CA10: variants seen among roughly 807,000 people sequenced by gnomAD.
CA10 encodes the protein carbonic anhydrase 10 (inactive), also known as carbonic anhydrase-related protein 10.
A neutral mutation model predicts 44.2 loss-of-function variants in CA10; 14 were observed. The observed-to-expected ratio is 0.32, with a 90% CI of 0.21 to 0.50. CA10 has a LOEUF of 0.50. CA10 is among the 20% of genes least tolerant of loss of function. The probability of loss-of-function intolerance (pLI) is 0.99; values close to 1 mark genes in which losing one functional copy is unlikely to be tolerated. For synonymous variants in CA10, 159 were observed against 141.6 expected, an observed-to-expected ratio of 1.12 and a Z score of -0.87; for missense variants, 350 against 409.7, an observed-to-expected ratio of 0.85 and a Z score of 1.26.
intron 2 of CA10, among the ~76,000 whole-genome samples, chr17:52,011,745 T>G (rs1985803684): frequency 6.6e-6 from 1 of 152,022 alleles, no homozygotes; most frequent in Non-Finnish European, 1.5e-5. Flanking sequence ...GAGATCATGA[T>G]ACAAACAAGG....
intron 2 of CA10, among the ~76,000 whole-genome samples, chr17:51,940,424 C>T (rs781266284): frequency 7.2e-5 from 11 of 152,066 alleles, no homozygotes; most frequent in Non-Finnish European, 1.5e-4. Flanking sequence ...ATCCTAGGAA[C>T]CCTTAAGCTG....
intron 2 of CA10, among the ~76,000 whole-genome samples, chr17:52,018,752 A>G (rs1285531223): frequency 2.0e-5 from 3 of 152,122 alleles, no homozygotes; most frequent in African/African-American, 7.2e-5. Context: ...TGAGATGAAC[A>G]TGAAATTTGG....
At chr17:52,008,483 T>C (rs1363535713) in intron 2 of CA10, among the ~76,000 whole-genome samples, 1 of 151,856 alleles carries the variant, frequency 6.6e-6, no homozygotes, top group Non-Finnish European at 1.5e-5. Flanking sequence ...CTAAATAATT[T>C]ACATATTGGT....
chr17:51,849,233 G>GTGTATATATATA (rs1387448675), intron 3 of CA10, among the ~76,000 whole-genome samples: 1 of 39,902 alleles, frequency 2.5e-5, no homozygotes, highest in Non-Finnish European at 5.9e-5. Context: ...ATATGTGTGT[G>GTGTATATATATA]TATATATATA....
At chr17:52,093,693 TA>T (rs1229120622) in intron 1 of CA10, among the ~76,000 whole-genome samples, 2 of 152,172 alleles carry the variant, frequency 1.3e-5, no homozygotes, top group African/African-American at 4.8e-5. Context: ...AATTTATTAA[TA>T]TTTTGAATGC....
chr17:51,978,975 C>G, intron 2 of CA10, among the ~76,000 whole-genome samples: 1 of 152,116 alleles, frequency 6.6e-6, no homozygotes, highest in South Asian at 2.1e-4. Context: ...CACCCATGAC[C>G]CTCAGTAAAG....
At chr17:52,117,070 T>A (rs1246145591) in intron 1 of CA10, among the ~76,000 whole-genome samples, 11 of 152,218 alleles carry the variant, frequency 7.2e-5, no homozygotes. Flanking sequence ...TAATTAGAAG[T>A]GTATATCCAA....
intron 1 of CA10, among the ~76,000 whole-genome samples, chr17:52,141,524 A>C (rs1209776676): frequency 6.6e-6 from 1 of 152,224 alleles, no homozygotes; most frequent in Non-Finnish European, 1.5e-5. Context: ...AAAGAGGCAG[A>C]GAATACATGT....
chr17:51,984,501 C>A (rs1162472982), intron 2 of CA10, among the ~76,000 whole-genome samples: 1 of 151,490 alleles, frequency 6.6e-6, no homozygotes, highest in Non-Finnish European at 1.5e-5. Context: ...AAGGAATAAC[C>A]AAGATCACAG....
At chr17:51,770,783 G>A (rs781618439) in intron 3 of CA10, among the ~76,000 whole-genome samples, 3 of 151,984 alleles carry the variant, frequency 2.0e-5, no homozygotes, top group Non-Finnish European at 4.4e-5. Context: ...ATGGCCAAGT[G>A]GGAGCAAGAG....
Position 52,053,954 on chromosome 17 carries a change from T to C in CA10, c.136+18365A>G, listed in dbSNP as rs1195287604. ...CGTCAGCTTCATAAACTGAGGAGGA[T>C]GTATGTCACCTCAGGACCCTGTGAT... On this transcript the variant is annotated intron_variant, in intron 2 of 8. Transcript: ENST00000451037. Among the ~76,000 whole-genome samples the C allele has an allele frequency of 2.6e-5, 4 of 152,206 alleles. No homozygotes were observed. The South Asian group carries it at 6.2e-4, about 24-fold the overall frequency.
At chr17:52,059,631 CTGCACATTG>C (rs1364179941) in intron 2 of CA10, among the ~76,000 whole-genome samples, 4 of 151,648 alleles carry the variant, frequency 2.6e-5, no homozygotes, top group Non-Finnish European at 5.9e-5. Context: ...TGTATCAAAA[CTGCACATTG>C]TGCACATGTA....
intron 3 of CA10, among the ~76,000 whole-genome samples, chr17:51,876,160 GTTTTTT>G (rs3033579): frequency 8.4e-5 from 5 of 59,794 alleles, no homozygotes; most frequent in South Asian, 1.3e-3. Context: ...TTCTTCTCTC[GTTTTTT>G]TTTTTTTTTT....
chr17:52,006,723 TTGA>T (rs2144127887), intron 2 of CA10, among the ~76,000 whole-genome samples: 1 of 151,970 alleles, frequency 6.6e-6, no homozygotes, highest in African/African-American at 2.4e-5. Flanking sequence ...TTTTTCAGTG[TTGA>T]TAAGGAAAAA....
Position 52,049,884 on chromosome 17 carries a change from C to T in CA10, c.136+22435G>A, listed in dbSNP as rs200304623. Among the ~76,000 whole-genome samples, 19 of 152,098 alleles carry T rather than the reference C, an allele frequency of 1.2e-4. No homozygotes were observed. The East Asian group carries it at 3.7e-3, about 29-fold the overall frequency. ...TGGAATACCATATGTTTTACTGGCC[C>T]TTTTCTATGTTTAGATATATTTGGA... is the stretch of plus-strand genomic sequence containing the variant. On this transcript the variant is annotated intron_variant, in intron 2 of 8. Transcript: ENST00000451037.
At chr17:51,704,557 T>A (rs9893463) in intron 4 of CA10, among the ~76,000 whole-genome samples, 2 of 152,068 alleles carry the variant, frequency 1.3e-5, no homozygotes, top group South Asian at 2.1e-4. Flanking sequence ...CAGGGCAAGA[T>A]GAGATCATCA....
At chr17:51,943,945 C>A (rs1178263797) in intron 2 of CA10, among the ~76,000 whole-genome samples, 1 of 152,108 alleles carries the variant, frequency 6.6e-6, no homozygotes. Context: ...TCCTGCCCTG[C>A]CCCTTGAGAG....
chr17:52,114,675 ATGG>A (rs1988853428), intron 1 of CA10, among the ~76,000 whole-genome samples: 1 of 152,166 alleles, frequency 6.6e-6, no homozygotes, highest in East Asian at 1.9e-4. Context: ...GGTCCTACAA[ATGG>A]AGCTATAACA....
At chr17:51,739,210 T>C (rs773639027) in intron 4 of CA10, among the ~76,000 whole-genome samples, 26 of 152,124 alleles carry the variant, frequency 1.7e-4, no homozygotes, top group Non-Finnish European at 3.5e-4. Flanking sequence ...ATTGATTTTA[T>C]TCCTGCAGCG....
Sources: gnomAD v4.1 joint callset for allele counts (sites outside exome capture counted in the v4.1 genomes callset) on GRCh38, gnomAD v4.1.1 for gene constraint, MANE v1.5 for transcripts, NCBI Gene and HGNC (gene_info 2026-07-23, HGNC 2026-07-21) for gene names.